Variants in DNM3 observed in about 807,000 individuals in gnomAD.
DNM3 encodes dynamin-3.
DNM3 carries 47 observed loss-of-function variants against 101.6 expected under a neutral mutation model. The observed-to-expected ratio is 0.46, with a 90% CI of 0.37 to 0.59. The LOEUF (loss-of-function observed/expected upper bound fraction) is 0.59. Ranked by LOEUF, DNM3 falls within the 20% of genes least tolerant of loss-of-function variation. The pLI is 0.00. For synonymous variants in DNM3, 385 were observed against 387.9 expected (o/e 0.99, Z 0.09); for missense variants, 849 against 1,085.7 (o/e 0.78, Z 3.06).
At chr1:172,088,640 C>T (rs1345206638) in intron 12 of DNM3, among the ~76,000 whole-genome samples, 2 of 152,114 alleles carry the variant, frequency 1.3e-5, no homozygotes, top group African/African-American at 4.8e-5. Context: ...CCTCATCTTT[C>T]TACTTCCTGG....
chr1:171,868,926 G>A (rs13353039), intron 1 of DNM3, among the ~76,000 whole-genome samples: 2,995 of 152,190 alleles, frequency 0.02, 95 homozygotes, highest in African/African-American at 0.067. Flanking sequence ...TGGGATTACA[G>A]GCATGCGCCA....
At chr1:172,174,470 G>A (rs932364922) in intron 14 of DNM3, among the ~76,000 whole-genome samples, 3 of 151,672 alleles carry the variant, frequency 2.0e-5, no homozygotes, top group Non-Finnish European at 4.4e-5. Context: ...CTACATCTGA[G>A]ACTTGGATAC....
chr1:171,964,491 A>C (rs1221773220), intron 2 of DNM3, among the ~76,000 whole-genome samples: 1 of 152,094 alleles, frequency 6.6e-6, no homozygotes, highest in Non-Finnish European at 1.5e-5. Context: ...ACCAATGTAC[A>C]TCTTACATGT....
chr1:172,215,077 C>T (rs1453236026), intron 14 of DNM3, among the ~76,000 whole-genome samples: 2 of 152,122 alleles, frequency 1.3e-5, no homozygotes, highest in Non-Finnish European at 1.5e-5. Flanking sequence ...CAAGTAAGCA[C>T]ATTTAAACCT....
rs1487940236 is a variant in DNM3, at chr1:172,038,399, A to G, written c.930A>G (p.Glu310=). 7.4e-6 allele frequency: 12 copies of G among 1,613,392 alleles called. No individual in the cohort carries two copies. The highest frequency in any genetic ancestry group is 1.0e-5 in the Non-Finnish European group (12 of 1,179,602). Residue 310 remains glutamate, a synonymous_variant, in exon 7 of 21, where the codon GAA becomes GAG. Coordinates refer to ENST00000627582, the MANE Select transcript of DNM3 (RefSeq NM_015569.5). ...LQGQLLSIEH[E]VEAYKNFKPE... ...GACAGTTGCTCTCCATAGAACATGAAGTAGAAGCCTACAAAAATTTCAAAC... is the reference window on the plus strand; with the variant it reads ...GACAGTTGCTCTCCATAGAACATGAGGTAGAAGCCTACAAAAATTTCAAAC...
chr1:172,106,902 G>A lies in DNM3; in HGVS notation c.1545+14027G>A, dbSNP rs1404039615. On this transcript the variant is annotated intron_variant, in intron 13 of 20. Transcript: ENST00000627582. ...GGAGTCTCGCTCTGTCGCCCAGGCCGGACCGCGGACTGCAGTGGCGCAATC... is the reference window on the plus strand; with the variant it reads ...GGAGTCTCGCTCTGTCGCCCAGGCCAGACCGCGGACTGCAGTGGCGCAATC... Among the ~76,000 whole-genome samples, 8 of 110,674 alleles carry A rather than the reference G, an allele frequency of 7.2e-5. 1 individual carries two copies. The highest frequency in any genetic ancestry group is 3.0e-4 in the East Asian group (1 of 3,332). 72.6% of individuals were successfully genotyped at this position (110,674 alleles called of 152,430 possible). A position where few individuals can be genotyped will look rare whatever the true frequency, so the allele number is the denominator to read the frequency against.
intron 16 of DNM3, among the ~76,000 whole-genome samples, chr1:172,313,956 C>T (rs1372629664): frequency 6.6e-6 from 1 of 151,176 alleles, no homozygotes; most frequent in Non-Finnish European, 1.5e-5. Flanking sequence ...AGCCCCCTAC[C>T]CCCCGACAGG....
intron 15 of DNM3, among the ~76,000 whole-genome samples, chr1:172,282,926 G>A (rs997360612): frequency 3.3e-5 from 5 of 152,116 alleles, no homozygotes; most frequent in Non-Finnish European, 5.9e-5. Flanking sequence ...CCTTTGGGTG[G>A]GACATATTTT....
intron 14 of DNM3, among the ~76,000 whole-genome samples, chr1:172,226,098 C>T (rs1252329627): frequency 2.0e-5 from 3 of 152,054 alleles, no homozygotes; most frequent in Non-Finnish European, 4.4e-5. Context: ...TCACTATGCA[C>T]ATATAATTGC....
chr1:171,909,080 C>T (rs1229790669), intron 1 of DNM3, among the ~76,000 whole-genome samples: 6 of 152,112 alleles, frequency 3.9e-5, no homozygotes, highest in African/African-American at 1.4e-4. Flanking sequence ...TGTCTCTGAA[C>T]TTAAACTGGA....
At chr1:171,948,176 A>G (rs913598856) in intron 2 of DNM3, among the ~76,000 whole-genome samples, 1 of 152,214 alleles carries the variant, frequency 6.6e-6, no homozygotes. Flanking sequence ...ACAGCTGATG[A>G]AACAAATACA....
chr1:172,306,261 G>C (rs746792812), intron 15 of DNM3, among the ~76,000 whole-genome samples: 4 of 152,114 alleles, frequency 2.6e-5, no homozygotes, highest in Admixed American at 6.6e-5. Flanking sequence ...CAAATCATGA[G>C]TGATCTCCCA....
intron 2 of DNM3, among the ~76,000 whole-genome samples, chr1:171,949,633 C>CT (rs2042382999): frequency 1.3e-5 from 2 of 149,612 alleles, no homozygotes; most frequent in African/African-American, 4.9e-5. Flanking sequence ...CAGGGTTGGT[C>CT]TTGAACTCCT....
intron 13 of DNM3, among the ~76,000 whole-genome samples, chr1:172,115,542 C>T (rs1305289573): frequency 1.3e-5 from 2 of 152,132 alleles, no homozygotes; most frequent in South Asian, 2.1e-4. Context: ...CTATGGGATC[C>T]GTCTCCTCCA....
At chr1:172,413,688 T>G (rs2071329050), downstream of DNM3, among the ~76,000 whole-genome samples, 2 of 152,236 alleles carry the variant, frequency 1.3e-5, no homozygotes, top group African/African-American at 4.8e-5. Flanking sequence ...GCCATCTAAA[T>G]GCAGAAGACA....
chr1:171,887,089 T>C (rs1419234865), intron 1 of DNM3, among the ~76,000 whole-genome samples: 1 of 152,170 alleles, frequency 6.6e-6, no homozygotes, highest in Non-Finnish European at 1.5e-5. Flanking sequence ...AAAACTCAAT[T>C]ACCTGTGGGC....
chr1:172,036,093 G>T (rs2048938039), intron 6 of DNM3, among the ~76,000 whole-genome samples: 1 of 148,482 alleles, frequency 6.7e-6, no homozygotes, highest in Non-Finnish European at 1.5e-5. Flanking sequence ...CCATGCTGGT[G>T]TGCTGCACCC....
At chr1:171,998,387 T>C (rs886812073) in intron 4 of DNM3, among the ~76,000 whole-genome samples, 6 of 152,196 alleles carry the variant, frequency 3.9e-5, no homozygotes, top group African/African-American at 1.4e-4. Context: ...CTTGATTACA[T>C]CCACAAAGCA....
chr1:172,373,233 G>A (rs1050081077), intron 17 of DNM3, among the ~76,000 whole-genome samples: 8 of 151,976 alleles, frequency 5.3e-5, no homozygotes, highest in South Asian at 2.1e-4. Context: ...AGCAAAATTC[G>A]CATCTTTAGT....
Sources: allele counts gnomAD v4.1 joint callset (sites outside exome capture counted in the v4.1 genomes callset), GRCh38; gene constraint gnomAD v4.1.1; transcripts MANE v1.5; gene names NCBI Gene and HGNC (gene_info 2026-07-23, HGNC 2026-07-21).